Variants in TDO2 observed in about 807,000 individuals in gnomAD.
TDO2 encodes tryptophan 2,3-dioxygenase.
Under a neutral mutation model 61.2 loss-of-function variants are expected in TDO2, and 63 were observed. The observed-to-expected ratio is 1.03, with a 90% CI of 0.84 to 1.27. The LOEUF (loss-of-function observed/expected upper bound fraction) is 1.27, where lower values mean the gene tolerates loss of function less well. TDO2 is among the 50% of genes most tolerant of loss of function. TDO2 has a pLI of 0.00. For missense variants in TDO2, 494 were observed against 469.5 expected (o/e 1.05, Z -0.48); for synonymous variants, 183 against 164.0 (o/e 1.12, Z -0.89).
In TDO2 at chr4:155,914,306, C is replaced by A. The variant is rs767820016; in HGVS notation, c.727-17C>A. On this transcript the variant is annotated splice_polypyrimidine_tract_variant and intron_variant, in intron 7 of 11. Transcript: ENST00000536354. ...TTATTCTCTCTCAGGACTATTAATG[C>A]CATATTTTTCCTAAAGGCTAAAGAA... The A allele has an allele frequency of 6.3e-7, 1 of 1,577,154 alleles. No homozygotes were observed. The highest frequency in any genetic ancestry group is 8.6e-7 in the Non-Finnish European group (1 of 1,159,990).
intron 1 of TDO2, 32 bp downstream of exon 1, chr4:155,903,825 T>C (rs536542437): frequency 6.2e-7 from 1 of 1,613,518 alleles, no homozygotes; most frequent in African/African-American, 1.3e-5. Flanking sequence ...AAGTGGGTTT[T>C]GGCTTTTAGA....
In TDO2 at chr4:155,910,186, A is replaced by G; in HGVS notation, c.593A>G (p.Glu198Gly). 1 of 1,584,848 alleles carries G rather than the reference A, an allele frequency of 6.3e-7. No homozygotes were observed. Reference sequence around the variant, plus strand: ...GAACTGCTACTTAAATCTGAGCAGGAAAAGACACTTCTGGAATTAGTGGAG... The same window carrying G: ...GAACTGCTACTTAAATCTGAGCAGGGAAAGACACTTCTGGAATTAGTGGAG... ...ENELLLKSEQ[E>G]KTLLELVEAW... The change falls in exon 6 of 12, where the codon GAA (glutamate) becomes GGA (glycine). Residue 198 changes from glutamate (E) to glycine (G), a missense_variant. By Grantham distance (98) the Glu-to-Gly change is moderately conservative. Transcript: ENST00000536354.
At chr4:155,906,045 A>T (rs1742712718) in intron 3 of TDO2, 1 of 152,164 alleles carries the variant, frequency 6.6e-6, no homozygotes, top group Non-Finnish European at 1.5e-5. Flanking sequence ...ATAAATTAGG[A>T]ATTTAAAAAT....
intron 4 of TDO2, among the ~76,000 whole-genome samples, chr4:155,908,516 A>G (rs1417425664): frequency 6.6e-6 from 1 of 152,160 alleles, no homozygotes; most frequent in Non-Finnish European, 1.5e-5. Flanking sequence ...GGCCCTCAGT[A>G]AAGAGTAGAT....
chr4:155,915,749 T>G (rs1465354763), intron 8 of TDO2, 106 bp from the exon 9 acceptor site: 3 of 849,274 alleles, frequency 3.5e-6, no homozygotes, highest in Non-Finnish European at 5.5e-6. Flanking sequence ...TTATATTGAT[T>G]TCTAAACACA....
At position 155,904,105 on chromosome 4, in the gene TDO2, C is replaced by A; in HGVS notation, c.123C>A (p.Ile41=). Residue 41 remains isoleucine, a synonymous_variant, in exon 2 of 12, where the codon ATC becomes ATA. Transcript: ENST00000536354. The part of the protein sequence containing the change: ...GVNRASKGGL[I]YGNYLHLEKV... ...ATAGAGCCAGCAAAGGAGGTCTTAT[C>A]TATGGGAACTACCTGCATGTAAGTG... The A allele has an allele frequency of 6.2e-7, 1 of 1,613,830 alleles. No homozygotes were observed. The highest frequency in any genetic ancestry group is 2.2e-5 in the East Asian group (1 of 44,860).
intron 11 of TDO2, among the ~76,000 whole-genome samples, chr4:155,918,629 G>A (rs574869080): frequency 6.6e-5 from 10 of 152,216 alleles, no homozygotes; most frequent in East Asian, 3.9e-4. Flanking sequence ...TTAAAGTAGC[G>A]TCTTGTTTTC....
intron 8 of TDO2, among the ~76,000 whole-genome samples, chr4:155,915,533 A>T (rs578107249): frequency 5.9e-5 from 9 of 152,240 alleles, no homozygotes; most frequent in African/African-American, 1.9e-4. Flanking sequence ...TGAAAGACAC[A>T]TATTCTTTTA....
At chr4:155,918,910 C>A (rs1742994065) in intron 11 of TDO2, 1 of 152,204 alleles carries the variant, frequency 6.6e-6, no homozygotes. Context: ...AGCCCCACCT[C>A]AAATCTTTAC....
At position 155,910,042 on chromosome 4, in the gene TDO2, C is replaced by T; in HGVS notation, c.449C>T (p.Ala150Val). The stretch of plus-strand genomic sequence containing the variant: ...TCTCAAAGAGAGTACTTATCTCCAG[C>T]ATCAGGCTTCCAGAGTTTGCAATTC... ...FNDFREYLSP[A>V]SGFQSLQFRL... The change falls in exon 6 of 12, where the codon GCA (alanine) becomes GTA (valine). Residue 150 changes from alanine (A) to valine (V), a missense_variant. Physicochemically the swap from Ala to Val is moderately conservative, Grantham distance 64. Coordinates refer to ENST00000536354, the MANE Select transcript of TDO2 (RefSeq NM_005651.4). 1 of 1,569,738 alleles carries T rather than the reference C, an allele frequency of 6.4e-7. No homozygotes were observed. The highest frequency in any genetic ancestry group is 8.6e-7 in the Non-Finnish European group (1 of 1,165,006).
At chr4:155,905,630 C>T (rs190820982) in intron 3 of TDO2, 405 of 153,526 alleles carry the variant, frequency 2.6e-3, no homozygotes, top group Non-Finnish European at 3.7e-3. Flanking sequence ...TTTTTTTAGC[C>T]TATGTGTTCA....
At position 155,903,998 on chromosome 4, in the gene TDO2, T is replaced by G; in HGVS notation, c.36-20T>G. On this transcript the variant is annotated intron_variant, in intron 1 of 11. Coordinates refer to ENST00000536354, the MANE Select transcript of TDO2 (RefSeq NM_005651.4). ...TTTTCTAAAGCACTATTTTTCCCTC[T>G]TGATTTATTAAATTTGCAGATATAC... 1 of 1,605,352 alleles carries G rather than the reference T, an allele frequency of 6.2e-7. No homozygotes were observed. The highest frequency in any genetic ancestry group is 2.2e-5 in the East Asian group (1 of 44,834).
At chr4:155,909,342 A>C (rs1742776346) in intron 5 of TDO2, among the ~76,000 whole-genome samples, 1 of 152,218 alleles carries the variant, frequency 6.6e-6, no homozygotes, top group Non-Finnish European at 1.5e-5. Flanking sequence ...AAAAGATATA[A>C]AAACTCAAAA....
chr4:155,903,995 C>A, intron 1 of TDO2, 23 bp from the exon 2 acceptor site: 1 of 1,600,358 alleles, frequency 6.2e-7, no homozygotes, highest in Non-Finnish European at 8.6e-7. Context: ...CTATTTTTCC[C>A]TCTTGATTTA....
intron 7 of TDO2, 94 bp from the exon 8 acceptor site, chr4:155,914,204 TAAATATTAAAAGTACATCATTTCTG>T (rs1422055751): frequency 4.5e-6 from 3 of 671,746 alleles, no homozygotes; most frequent in Admixed American, 3.5e-5. Context: ...GAAGATACAG[TAAATATTAAAAGTACATCATTTCTG>T]CAACCATAAG....
intron 1 of TDO2, 24 bp downstream of exon 1, chr4:155,903,817 G>A: frequency 6.2e-7 from 1 of 1,613,954 alleles, no homozygotes; most frequent in Non-Finnish European, 8.5e-7. Flanking sequence ...TTTATTCTAA[G>A]TGGGTTTTGG....
At chr4:155,903,892 C>T (rs1191960036) in intron 1 of TDO2, 99 bp downstream of exon 1, 1 of 1,527,222 alleles carries the variant, frequency 6.5e-7, no homozygotes, top group East Asian at 2.3e-5. Context: ...AAACTGTCAC[C>T]TTTATTCCTT....
At position 155,915,829 on chromosome 4, in the gene TDO2, A is replaced by G. The variant is rs1331260657; in HGVS notation, c.839-26A>G. On this transcript the variant is annotated intron_variant, in intron 8 of 11. Transcript: ENST00000536354. ...AAAATTACCTTAAATGACCTAAAAA[A>G]TTTAAATTTAGTATGTATTTTGCAG... 3.1e-6 allele frequency: 5 copies of G among 1,593,470 alleles called. No individual in the cohort carries two copies. The Admixed American group carries it at 9.0e-5, about 29-fold the overall frequency.
intron 9 of TDO2, 72 bp from the exon 10 acceptor site, chr4:155,917,323 C>T: frequency 7.8e-7 from 1 of 1,286,298 alleles, no homozygotes; most frequent in Non-Finnish European, 1.1e-6. Context: ...AACTGATTGT[C>T]AAACTCATGC....
Sources: allele counts gnomAD v4.1 joint callset (sites outside exome capture counted in the v4.1 genomes callset), GRCh38; gene constraint gnomAD v4.1.1; transcripts MANE v1.5; gene names NCBI Gene and HGNC (gene_info 2026-07-23, HGNC 2026-07-21).